The following SLC24A2 variants were observed in gnomAD, a reference collection of about 807,000 sequenced individuals.
SLC24A2 encodes the protein solute carrier family 24 member 2, also known as sodium/potassium/calcium exchanger 2.
Under a neutral mutation model 62.0 loss-of-function variants are expected in SLC24A2, and 36 were observed. The ratio of observed to expected loss-of-function variants is 0.58; its 90% CI spans 0.44 to 0.77. The LOEUF is 0.77. Ranked by LOEUF, SLC24A2 falls within the 30% of genes least tolerant of loss-of-function variation. The probability of loss-of-function intolerance (pLI) is 0.00; values close to 1 mark genes in which losing one functional copy is unlikely to be tolerated. For synonymous variants in SLC24A2, 358 were observed against 294.0 expected (o/e 1.22, Z -2.23); for missense variants, 846 against 817.9 (o/e 1.03, Z -0.42).
chr9:19,671,737 C>T (rs1057182317), intron 2 of SLC24A2, among the ~76,000 whole-genome samples: 8 of 152,076 alleles, frequency 5.3e-5, no homozygotes, highest in Non-Finnish European at 8.8e-5. Context: ...CCTTCTATGC[C>T]GATTTTGCTG....
chr9:19,949,796 G>A, the SLC24A2 span, among the ~76,000 whole-genome samples: 1 of 152,194 alleles, frequency 6.6e-6, no homozygotes, highest in Admixed American at 6.5e-5. Context: ...AGTGGATAGT[G>A]AAAAGAAAGA....
chr9:19,748,314 C>G (rs1587262793), intron 2 of SLC24A2, among the ~76,000 whole-genome samples: 1 of 152,174 alleles, frequency 6.6e-6, no homozygotes, highest in African/African-American at 2.4e-5. Context: ...TGCAAGCCAG[C>G]AGGCACATTT....
At chr9:19,690,387 G>T (rs1208771749) in intron 2 of SLC24A2, among the ~76,000 whole-genome samples, 1 of 152,092 alleles carries the variant, frequency 6.6e-6, no homozygotes, top group African/African-American at 2.4e-5. Context: ...GGCTTGCAGG[G>T]ACTGGTAAGA....
chr9:20,285,897 G>A, the SLC24A2 span, among the ~76,000 whole-genome samples: 1 of 152,146 alleles, frequency 6.6e-6, no homozygotes, highest in Non-Finnish European at 1.5e-5. Context: ...AGCAAGCCAA[G>A]GAGAGAGGCT....
At chr9:19,686,103 C>A (rs1045161277) in intron 2 of SLC24A2, among the ~76,000 whole-genome samples, 1 of 152,002 alleles carries the variant, frequency 6.6e-6, no homozygotes, top group African/African-American at 2.4e-5. Flanking sequence ...GGGCAAAGGA[C>A]ATGAACAGAC....
intron 6 of SLC24A2, 134 bp downstream of exon 6, chr9:19,576,790 G>A: frequency 1.4e-6 from 1 of 737,552 alleles, no homozygotes; most frequent in Non-Finnish European, 2.5e-6. Flanking sequence ...CTCATTTCCT[G>A]TTGCACAGGG....
At chr9:19,579,768 C>G (rs184350658) in intron 5 of SLC24A2, among the ~76,000 whole-genome samples, 9 of 152,298 alleles carry the variant, frequency 5.9e-5, no homozygotes, top group Non-Finnish European at 1.2e-4. Context: ...AAGCTAATGA[C>G]ATATCACTTG....
the SLC24A2 span, among the ~76,000 whole-genome samples, chr9:19,997,277 AAGAAAG>A: frequency 3.4e-3 from 525 of 152,292 alleles, 1 homozygote; most frequent in Middle Eastern, 0.014. Flanking sequence ...GGGGCACAGA[AAGAAAG>A]AGAAAGAGAA....
the SLC24A2 span, among the ~76,000 whole-genome samples, chr9:19,985,734 TA>T: frequency 6.6e-6 from 1 of 152,108 alleles, no homozygotes; most frequent in Non-Finnish European, 1.5e-5. Flanking sequence ...ATATATGAAG[TA>T]TACTTTCATA....
chr9:20,053,394 T>A, the SLC24A2 span, among the ~76,000 whole-genome samples: 1 of 151,572 alleles, frequency 6.6e-6, no homozygotes, highest in Non-Finnish European at 1.5e-5. Context: ...CCATTTTGCA[T>A]TTTCCTCCCT....
intron 7 of SLC24A2, among the ~76,000 whole-genome samples, chr9:19,551,609 C>G (rs1031748868): frequency 2.0e-5 from 3 of 152,142 alleles, no homozygotes; most frequent in Non-Finnish European, 4.4e-5. Context: ...ATATAAATAA[C>G]TTTAGAAAGC....
chr9:19,615,647 G>T (rs936575386), intron 4 of SLC24A2, among the ~76,000 whole-genome samples: 2 of 152,144 alleles, frequency 1.3e-5, no homozygotes, highest in African/African-American at 4.8e-5. Flanking sequence ...ATGGCTCTCA[G>T]CATCTCTCAG....
At chr9:19,958,678 A>G in the SLC24A2 span, among the ~76,000 whole-genome samples, 8 of 152,134 alleles carry the variant, frequency 5.3e-5, no homozygotes, top group African/African-American at 1.7e-4. Flanking sequence ...TGCTCTGTCT[A>G]TTTCATGGGG....
chr9:19,908,971 C>T, the SLC24A2 span, among the ~76,000 whole-genome samples: 9 of 152,126 alleles, frequency 5.9e-5, no homozygotes, highest in African/African-American at 1.9e-4. Flanking sequence ...ACCCAGCCAT[C>T]CCATTACTAG....
chr9:20,112,927 C>T, the SLC24A2 span, among the ~76,000 whole-genome samples: 1 of 152,074 alleles, frequency 6.6e-6, no homozygotes, highest in East Asian at 1.9e-4. Flanking sequence ...GACTAACAAT[C>T]ATGTGGTGAG....
At chr9:20,240,579 G>A in the SLC24A2 span, among the ~76,000 whole-genome samples, 2 of 152,176 alleles carry the variant, frequency 1.3e-5, no homozygotes, top group African/African-American at 2.4e-5. Flanking sequence ...TAACTTGGAT[G>A]TATTAATGGG....
the SLC24A2 span, among the ~76,000 whole-genome samples, chr9:20,157,067 A>G: frequency 6.6e-6 from 1 of 151,812 alleles, no homozygotes; most frequent in Non-Finnish European, 1.5e-5. Context: ...AAAGCAATTT[A>G]TTATAATTTG....
intron 8 of SLC24A2, among the ~76,000 whole-genome samples, chr9:19,545,261 T>A (rs1005581911): frequency 6.6e-6 from 1 of 152,030 alleles, no homozygotes; most frequent in Non-Finnish European, 1.5e-5. Flanking sequence ...TCTCATGCTG[T>A]GTTTTTCAGC....
intron 2 of SLC24A2, among the ~76,000 whole-genome samples, chr9:19,756,547 T>C (rs1034430808): frequency 3.3e-5 from 5 of 152,238 alleles, no homozygotes; most frequent in Non-Finnish European, 7.3e-5. Context: ...ATTTATATAT[T>C]ATCCTACAGT....
Sources: gnomAD v4.1 joint callset for allele counts (sites outside exome capture counted in the v4.1 genomes callset) on GRCh38, gnomAD v4.1.1 for gene constraint, MANE v1.5 for transcripts, NCBI Gene and HGNC (gene_info 2026-07-23, HGNC 2026-07-21) for gene names.